Variants in LRBA observed in about 807,000 individuals in gnomAD.
The protein encoded by LRBA is lipopolysaccharide-responsive and beige-like anchor protein.
A neutral mutation model predicts 330.0 loss-of-function variants in LRBA; 176 were observed. The ratio of observed to expected loss-of-function variants is 0.53; its 90% CI spans 0.47 to 0.60. The LOEUF is 0.60. Among genes scored for constraint, LRBA ranks in the 20% least tolerant of loss-of-function variants. LRBA has a pLI of 0.00. For missense variants in LRBA, 3,259 were observed against 3,444.8 expected, an observed-to-expected ratio of 0.95 and a Z score of 1.35; for synonymous variants, 1,230 against 1,193.0, an observed-to-expected ratio of 1.03 and a Z score of -0.64.
At chr4:150,581,529 T>A (rs531235247) in intron 40 of LRBA, 62 of 227,560 alleles carry the variant, frequency 2.7e-4, no homozygotes, top group African/African-American at 1.2e-3. Context: ...TACTACACAA[T>A]GTTGATAGAA....
At chr4:150,471,571 T>A (rs1005048257) in intron 43 of LRBA, 53 bp downstream of exon 43, 1 of 1,037,108 alleles carries the variant, frequency 9.6e-7, no homozygotes, top group Admixed American at 2.3e-5. Context: ...AATCTAACAA[T>A]TGAAATTAAT....
chr4:150,702,121 T>C (rs1054099177), intron 36 of LRBA, among the ~76,000 whole-genome samples: 9 of 152,204 alleles, frequency 5.9e-5, no homozygotes, highest in African/African-American at 2.2e-4. Context: ...ACTTTTGCAC[T>C]ATTTCCTAAT....
At chr4:150,401,536 G>A (rs1455984311) in intron 47 of LRBA, among the ~76,000 whole-genome samples, 1 of 152,044 alleles carries the variant, frequency 6.6e-6, no homozygotes, top group African/African-American at 2.4e-5. Context: ...ATACAAGTAG[G>A]GTTACAGGAG....
At chr4:150,898,076 A>C (rs1422016936) in intron 14 of LRBA, among the ~76,000 whole-genome samples, 2 of 152,126 alleles carry the variant, frequency 1.3e-5, no homozygotes, top group Non-Finnish European at 1.5e-5. Context: ...AGGTCAAAGA[A>C]TGTCCAAAAC....
chr4:150,564,425 A>G (rs1768842101), intron 40 of LRBA, among the ~76,000 whole-genome samples: 1 of 152,200 alleles, frequency 6.6e-6, no homozygotes, highest in Admixed American at 6.5e-5. Context: ...ACCTAAAACC[A>G]TAAAAACCCT....
intron 36 of LRBA, among the ~76,000 whole-genome samples, chr4:150,686,926 C>A (rs1376933878): frequency 6.6e-6 from 1 of 152,054 alleles, no homozygotes; most frequent in Admixed American, 6.5e-5. Context: ...TCAAGGTAAG[C>A]TAAACGGTAA....
At chr4:150,621,443 A>C (rs1303539906) in intron 37 of LRBA, among the ~76,000 whole-genome samples, 2 of 152,218 alleles carry the variant, frequency 1.3e-5, no homozygotes, top group Non-Finnish European at 2.9e-5. Context: ...AAAGCAACAC[A>C]GTGTGAAAAA....
intron 2 of LRBA, among the ~76,000 whole-genome samples, chr4:150,959,183 G>A (rs1378054650): frequency 6.7e-6 from 1 of 149,440 alleles, no homozygotes; most frequent in South Asian, 2.1e-4. Flanking sequence ...GGCAAAGGAG[G>A]AGCAAAGACA....
chr4:150,892,177 G>A (rs190836916), intron 17 of LRBA, among the ~76,000 whole-genome samples: 1 of 152,292 alleles, frequency 6.6e-6, no homozygotes, highest in East Asian at 1.9e-4. Flanking sequence ...AAAACTAGTT[G>A]CTAAACTTTT....
chr4:150,914,959 A>C (rs1732427280), intron 8 of LRBA, among the ~76,000 whole-genome samples: 1 of 152,148 alleles, frequency 6.6e-6, no homozygotes, highest in Non-Finnish European at 1.5e-5. Context: ...AGATTAGGTA[A>C]GGTCATGCAG....
intron 40 of LRBA, among the ~76,000 whole-genome samples, chr4:150,510,084 G>A (rs976164696): frequency 6.6e-6 from 1 of 152,116 alleles, no homozygotes; most frequent in African/African-American, 2.4e-5. Flanking sequence ...AGGTTGCAGT[G>A]AGCCGAGATC....
intron 22 of LRBA, 25 bp from the exon 23 acceptor site, chr4:150,852,968 T>C: frequency 7.1e-6 from 10 of 1,412,126 alleles, no homozygotes; most frequent in Non-Finnish European, 9.6e-6. Flanking sequence ...TACAATCAGT[T>C]AAAATATGCA....
chr4:150,948,452 A>G (rs2149538385), intron 2 of LRBA, among the ~76,000 whole-genome samples: 1 of 152,180 alleles, frequency 6.6e-6, no homozygotes, highest in East Asian at 1.9e-4. Context: ...ATTACACCTT[A>G]CACAAAAACT....
chr4:150,392,441 C>G (rs1373471723), intron 47 of LRBA, among the ~76,000 whole-genome samples: 2 of 152,148 alleles, frequency 1.3e-5, no homozygotes, highest in African/African-American at 4.8e-5. Flanking sequence ...AGCACTAATT[C>G]CATCATGACG....
At chr4:151,005,258 A>G (rs1743876011) in intron 2 of LRBA, among the ~76,000 whole-genome samples, 1 of 151,976 alleles carries the variant, frequency 6.6e-6, no homozygotes, top group Non-Finnish European at 1.5e-5. Flanking sequence ...AGCCTGGCCA[A>G]CATAGTGAAA....
chr4:150,828,541 C>A lies in LRBA; in HGVS notation c.4810G>T (p.Asp1604Tyr), dbSNP rs1285743676. The change falls in exon 30 of 57, where the codon GAC becomes TAC. Residue 1604 changes from aspartate (D) to tyrosine (Y), a missense_variant. Coordinates refer to ENST00000651943, the MANE Select transcript of LRBA (RefSeq NM_001364905.1). ...GCTGTTTCTTCCCCAATGCCTGAGT[C>A]CCTCCTTCGAGCAGATGATGTGCTT... ...SESTSSARRR[D>Y]SGIGEETATG... 6.2e-7 allele frequency: 1 copy of A among 1,613,996 alleles called. No individual in the cohort carries two copies. Among genetic ancestry groups the A allele is most frequent in the East Asian group, 2.2e-5 (1 of 44,890 alleles).
At chr4:150,665,590 T>C (rs1315702548) in intron 37 of LRBA, among the ~76,000 whole-genome samples, 1 of 152,230 alleles carries the variant, frequency 6.6e-6, no homozygotes, top group Non-Finnish European at 1.5e-5. Context: ...CTGGTCTAAT[T>C]TCTATTCTTA....
intron 37 of LRBA, among the ~76,000 whole-genome samples, chr4:150,671,474 T>C (rs907750450): frequency 2.6e-5 from 4 of 152,188 alleles, no homozygotes; most frequent in Admixed American, 1.3e-4. Flanking sequence ...ATTAGAGAAC[T>C]AAATAGTACA....
At chr4:150,844,446 A>G (rs910249884) in intron 27 of LRBA, among the ~76,000 whole-genome samples, 5 of 152,082 alleles carry the variant, frequency 3.3e-5, no homozygotes, top group African/African-American at 4.8e-5. Context: ...AGAAACAATC[A>G]AAGTAAACAC....
Sources: allele counts gnomAD v4.1 joint callset (sites outside exome capture counted in the v4.1 genomes callset), GRCh38; gene constraint gnomAD v4.1.1; transcripts MANE v1.5; gene names NCBI Gene and HGNC (gene_info 2026-07-23, HGNC 2026-07-21).